P4HA1: variants seen among roughly 807,000 people sequenced by gnomAD.
P4HA1 encodes the protein prolyl 4-hydroxylase subunit alpha-1.
In P4HA1, 24 loss-of-function variants were observed where a neutral mutation model predicts 72.8. That is an observed-to-expected ratio of 0.33 (90% confidence interval 0.24 to 0.46). P4HA1 has a LOEUF of 0.46. Ranked by LOEUF, P4HA1 falls within the 20% of genes least tolerant of loss-of-function variation. P4HA1 has a pLI of 1.00. For missense variants in P4HA1, 446 were observed against 640.6 expected, an observed-to-expected ratio of 0.70 and a Z score of 3.28; for synonymous variants, 201 against 218.8, an observed-to-expected ratio of 0.92 and a Z score of 0.72.
chr10:73,074,647 TAAAG>T (rs961681365), intron 2 of P4HA1, among the ~76,000 whole-genome samples, 157 bp downstream of exon 2: 11 of 151,958 alleles, frequency 7.2e-5, no homozygotes, highest in Admixed American at 3.9e-4. Flanking sequence ...TAATAAAAAA[TAAAG>T]AAAATGTCAA....
intron 10 of P4HA1, among the ~76,000 whole-genome samples, chr10:73,025,663 A>G (rs1361595603): frequency 3.3e-5 from 5 of 152,084 alleles, no homozygotes; most frequent in African/African-American, 1.2e-4. Context: ...GGAAAACAGG[A>G]AGTCAAATTG....
intron 5 of P4HA1, among the ~76,000 whole-genome samples, chr10:73,056,048 A>G (rs1160745930): frequency 6.6e-6 from 1 of 152,246 alleles, no homozygotes; most frequent in Admixed American, 6.5e-5. Flanking sequence ...TTTGCTTTTA[A>G]GAAATTCAGC....
intron 1 of P4HA1, among the ~76,000 whole-genome samples, chr10:73,082,842 T>C (rs1291680273): frequency 2.0e-5 from 3 of 151,650 alleles, no homozygotes; most frequent in Non-Finnish European, 4.4e-5. Flanking sequence ...CAGGCCATTA[T>C]AATGTGCTTA....
chr10:73,056,882 A>G (rs578058187), intron 5 of P4HA1, among the ~76,000 whole-genome samples: 29 of 151,206 alleles, frequency 1.9e-4, no homozygotes, highest in Non-Finnish European at 4.0e-4. Flanking sequence ...AACACGGTGA[A>G]AGCCTGTCTC....
At chr10:73,088,277 G>A (rs966769221) in intron 1 of P4HA1, among the ~76,000 whole-genome samples, 1 of 152,166 alleles carries the variant, frequency 6.6e-6, no homozygotes, top group African/African-American at 2.4e-5. Flanking sequence ...TGATGTTTGA[G>A]TGCAGATTGC....
intron 5 of P4HA1, among the ~76,000 whole-genome samples, chr10:73,057,554 G>A (rs570091257): frequency 1.3e-5 from 2 of 152,062 alleles, no homozygotes; most frequent in African/African-American, 4.8e-5. Context: ...CTGTCTACTT[G>A]GAATTCTAGA....
At chr10:73,035,926 C>A (rs573418450) in intron 9 of P4HA1, among the ~76,000 whole-genome samples, 1 of 152,140 alleles carries the variant, frequency 6.6e-6, no homozygotes, top group Non-Finnish European at 1.5e-5. Context: ...CAGTGGCTCA[C>A]GCCTGTAATC....
chr10:73,078,001 AAGAG>A (rs1299301093), intron 1 of P4HA1, among the ~76,000 whole-genome samples: 1 of 151,196 alleles, frequency 6.6e-6, no homozygotes, highest in Non-Finnish European at 1.5e-5. Flanking sequence ...AAAAAAAAAA[AAGAG>A]AGAAAGAAAA....
At chr10:73,082,069 G>C (rs764109841) in intron 1 of P4HA1, among the ~76,000 whole-genome samples, 2 of 152,050 alleles carry the variant, frequency 1.3e-5, no homozygotes, top group Non-Finnish European at 2.9e-5. Context: ...GTTCACTTTC[G>C]GTACAATATT....
intron 7 of P4HA1, among the ~76,000 whole-genome samples, chr10:73,048,622 A>G (rs1313124517): frequency 6.8e-6 from 1 of 146,034 alleles, no homozygotes; most frequent in Non-Finnish European, 1.5e-5. Context: ...CAAACCGGGA[A>G]ATTAGCAGAC....
intron 1 of P4HA1, among the ~76,000 whole-genome samples, chr10:73,083,402 C>G (rs1841863383): frequency 2.6e-5 from 4 of 152,188 alleles, no homozygotes; most frequent in South Asian, 2.1e-4. Flanking sequence ...TATTGTAGCA[C>G]TTATTGGCAT....
At chr10:73,048,289 A>T (rs1329860547) in intron 7 of P4HA1, among the ~76,000 whole-genome samples, 1 of 152,128 alleles carries the variant, frequency 6.6e-6, no homozygotes, top group Non-Finnish European at 1.5e-5. Context: ...GTTTAGACAA[A>T]GTCTTGCTCT....
chr10:73,050,529 A>G (rs1447230221), intron 7 of P4HA1, among the ~76,000 whole-genome samples: 4 of 151,664 alleles, frequency 2.6e-5, no homozygotes, highest in Non-Finnish European at 4.4e-5. Flanking sequence ...GTGAAACCCC[A>G]TCTCTACTAA....
chr10:73,061,756 A>G (rs1471728134), intron 5 of P4HA1, among the ~76,000 whole-genome samples: 1 of 152,112 alleles, frequency 6.6e-6, no homozygotes, highest in African/African-American at 2.4e-5. Context: ...ATAAAGTGAG[A>G]CCCTGTCTCT....
intron 7 of P4HA1, 44 bp downstream of exon 7, chr10:73,051,009 A>G: frequency 1.5e-6 from 2 of 1,327,172 alleles, no homozygotes; most frequent in Non-Finnish European, 2.2e-6. Flanking sequence ...ACAAACACAT[A>G]CACACACACA....
chr10:73,048,764 T>C (rs935031660), intron 7 of P4HA1, among the ~76,000 whole-genome samples: 1 of 152,188 alleles, frequency 6.6e-6, no homozygotes, highest in Non-Finnish European at 1.5e-5. Context: ...TAGGTGATAA[T>C]GGTATTGTAG....
At chr10:73,091,975 T>C (rs1343407079) in intron 1 of P4HA1, among the ~76,000 whole-genome samples, 1 of 152,220 alleles carries the variant, frequency 6.6e-6, no homozygotes, top group South Asian at 2.1e-4. Context: ...GGCCCAGGTA[T>C]ACTCAGCTTC....
At chr10:73,091,043 A>G (rs1293613438) in intron 1 of P4HA1, among the ~76,000 whole-genome samples, 3 of 142,816 alleles carry the variant, frequency 2.1e-5, no homozygotes, top group Non-Finnish European at 4.6e-5. Context: ...CCTGGGTGAC[A>G]GAGTGAGAGT....
intron 1 of P4HA1, among the ~76,000 whole-genome samples, chr10:73,087,876 A>C (rs7078127): frequency 0.11 from 16,357 of 152,096 alleles, 1,267 homozygotes; most frequent in East Asian, 0.3. Flanking sequence ...TTATTCTCTC[A>C]ACAGTGTGTT....
Sources: gnomAD v4.1 joint callset for allele counts (sites outside exome capture counted in the v4.1 genomes callset) on GRCh38, gnomAD v4.1.1 for gene constraint, MANE v1.5 for transcripts, NCBI Gene and HGNC (gene_info 2026-07-23, HGNC 2026-07-21) for gene names.